The following AP1S3 variants were observed in gnomAD, a reference collection of about 807,000 sequenced individuals.
AP1S3 encodes the protein adaptor related protein complex 1 subunit sigma 3, also known as AP-1 complex subunit sigma-3.
AP1S3 carries 10 observed loss-of-function variants against 20.9 expected under a neutral mutation model. The observed-to-expected ratio is 0.48, with a 90% CI of 0.29 to 0.81. The LOEUF is 0.81. AP1S3 is among the 30% of genes least tolerant of loss of function. AP1S3 has a pLI of 0.08. For synonymous variants in AP1S3, 41 were observed against 61.5 expected (o/e 0.67, Z 1.56); for missense variants, 154 against 183.8 (o/e 0.84, Z 0.94).
chr2:223,829,615 A>C (rs926126637), intron 1 of AP1S3, among the ~76,000 whole-genome samples: 3 of 151,924 alleles, frequency 2.0e-5, no homozygotes, highest in African/African-American at 4.8e-5. Context: ...AGGTTGTGAT[A>C]AGCCAAGATC....
intron 4 of AP1S3, among the ~76,000 whole-genome samples, chr2:223,761,905 T>C (rs536534247): frequency 6.6e-6 from 1 of 152,122 alleles, no homozygotes; most frequent in Non-Finnish European, 1.5e-5. Context: ...GGGTAAAATA[T>C]CTACTGTTTG....
intron 1 of AP1S3, among the ~76,000 whole-genome samples, chr2:223,827,098 T>G (rs1692145558): frequency 6.6e-6 from 1 of 152,194 alleles, no homozygotes; most frequent in African/African-American, 2.4e-5. Context: ...GAGACCAATC[T>G]GCCTTATTGT....
chr2:223,787,018 A>T (rs1335300530), intron 1 of AP1S3, among the ~76,000 whole-genome samples: 1 of 152,216 alleles, frequency 6.6e-6, no homozygotes, highest in African/African-American at 2.4e-5. Context: ...TGACTGGATC[A>T]TCAGGGTCTG....
chr2:223,828,257 C>A (rs977496571), intron 1 of AP1S3, among the ~76,000 whole-genome samples: 4 of 151,022 alleles, frequency 2.6e-5, no homozygotes, highest in African/African-American at 9.7e-5. Context: ...TCACACAGGG[C>A]CCTGGGGTCA....
chr2:223,772,471 A>G (rs1690655659), intron 3 of AP1S3, among the ~76,000 whole-genome samples: 1 of 152,186 alleles, frequency 6.6e-6, no homozygotes. Context: ...GGCACCAGTA[A>G]AAATTCACAC....
At chr2:223,797,535 G>T (rs1310893038) in intron 1 of AP1S3, among the ~76,000 whole-genome samples, 2 of 152,090 alleles carry the variant, frequency 1.3e-5, no homozygotes, top group African/African-American at 2.4e-5. Context: ...GCTGAGGCAG[G>T]TGGGTCACCT....
chr2:223,832,469 G>A (rs1017863731), intron 1 of AP1S3, among the ~76,000 whole-genome samples: 5 of 152,144 alleles, frequency 3.3e-5, no homozygotes, highest in African/African-American at 9.7e-5. Context: ...GCCAGTGGAG[G>A]AGAGCCCTCT....
intron 1 of AP1S3, among the ~76,000 whole-genome samples, chr2:223,833,321 A>C (rs1225245280): frequency 6.6e-6 from 1 of 152,162 alleles, no homozygotes; most frequent in African/African-American, 2.4e-5. Context: ...ACCATTCAAC[A>C]GTACATTCTG....
intron 1 of AP1S3, among the ~76,000 whole-genome samples, chr2:223,824,571 T>C (rs1315308818): frequency 6.6e-6 from 1 of 152,088 alleles, no homozygotes; most frequent in African/African-American, 2.4e-5. Context: ...AGAATCTTGC[T>C]CTGTCGCCCA....
chr2:223,794,577 G>A (rs1363888470), intron 1 of AP1S3, among the ~76,000 whole-genome samples: 4 of 152,132 alleles, frequency 2.6e-5, no homozygotes, highest in Non-Finnish European at 4.4e-5. Flanking sequence ...CTGGTAAGAA[G>A]TATCTAATAG....
At position 223,756,826 on chromosome 2, in the gene AP1S3, C is replaced by T; in HGVS notation, c.*1889G>A. On this transcript the variant is annotated 3_prime_UTR_variant, in exon 5 of 5. Transcript: ENST00000396654. ...TCTAAAAATCTACCAGATGGGATCT[C>T]CTAAAGAATCCAACAGGAAACACAC... 1 of 985,244 alleles carries T rather than the reference C, an allele frequency of 1.0e-6. No individual in the cohort carries two copies. Among genetic ancestry groups the T allele is most frequent in the Non-Finnish European group, 1.2e-6 (1 of 829,924 alleles). The allele number at this position is 985,244 out of a possible 1,614,324, so 61.0% of individuals were successfully genotyped here. A position where few individuals can be genotyped will look rare whatever the true frequency, so the allele number is the denominator to read the frequency against.
chr2:223,801,496 T>C (rs1574712608), intron 1 of AP1S3, among the ~76,000 whole-genome samples: 1 of 152,178 alleles, frequency 6.6e-6, no homozygotes, highest in African/African-American at 2.4e-5. Context: ...CTCACTCTAT[T>C]GTCCAGGCTG....
chr2:223,824,782 G>A (rs6757133), intron 1 of AP1S3, among the ~76,000 whole-genome samples: 48,995 of 152,016 alleles, frequency 0.32, 8,318 homozygotes, highest in Middle Eastern at 0.43. Context: ...TGATCCACCC[G>A]TCACGGCCTC....
intron 1 of AP1S3, among the ~76,000 whole-genome samples, chr2:223,825,066 T>G (rs1174343778): frequency 6.6e-6 from 1 of 151,686 alleles, no homozygotes; most frequent in Non-Finnish European, 1.5e-5. Context: ...TCACAGCACT[T>G]TGGGAGGCTG....
Position 223,837,581 on chromosome 2 carries a change from A to C in AP1S3, c.-131T>G. The C allele has an allele frequency of 5.9e-6, 3 of 507,818 alleles. No homozygotes were observed. Among genetic ancestry groups the C allele is most frequent in the Non-Finnish European group, 3.0e-6 (1 of 328,852 alleles). The allele number at this position is 507,818 out of a possible 1,614,324, so 31.5% of individuals were successfully genotyped here. On this transcript the variant is annotated 5_prime_UTR_variant, in exon 1 of 5. Coordinates refer to ENST00000396654, the MANE Select transcript of AP1S3 (RefSeq NM_001039569.2). Reference sequence around the variant, plus strand: ...GCTTAGACCATGGCTGCTTCCCACAATGCCCTGGCACTGAAAGTGTGCAGA... The same window carrying C: ...GCTTAGACCATGGCTGCTTCCCACACTGCCCTGGCACTGAAAGTGTGCAGA...
chr2:223,802,446 G>T (rs662209), intron 1 of AP1S3, among the ~76,000 whole-genome samples: 10,463 of 151,912 alleles, frequency 0.069, 421 homozygotes, highest in East Asian at 0.13. Flanking sequence ...GGGATTATAG[G>T]CACCTGCCAG....
At chr2:223,804,715 T>C (rs1691539915) in intron 1 of AP1S3, among the ~76,000 whole-genome samples, 1 of 148,928 alleles carries the variant, frequency 6.7e-6, no homozygotes, top group Non-Finnish European at 1.5e-5. Flanking sequence ...CAGAGACTGT[T>C]TCAAAAAAAA....
Position 223,837,563 on chromosome 2 carries a change from C to T in AP1S3, c.-113G>A. 1 of 630,608 alleles carries T rather than the reference C, an allele frequency of 1.6e-6. No individual in the cohort carries two copies. The allele number at this position is 630,608 out of a possible 1,614,324, so 39.1% of individuals were successfully genotyped here. On this transcript the variant is annotated 5_prime_UTR_variant, in exon 1 of 5. Transcript: ENST00000396654. ...TGACAGGTGAGGCGCCCGGCTTAGA[C>T]CATGGCTGCTTCCCACAATGCCCTG...
chr2:223,758,485 G>C lies in AP1S3; in HGVS notation c.*230C>G. On this transcript the variant is annotated 3_prime_UTR_variant, in exon 5 of 5. Transcript: ENST00000396654. ...AGGTGGTAGTTACTTTAAACATTTA[G>C]AGCTACAAGTACCTATACAGTATAA... 8.3e-7 allele frequency: 1 copy of C among 1,197,964 alleles called. No homozygotes were observed. Among genetic ancestry groups the C allele is most frequent in the Non-Finnish European group, 1.0e-6 (1 of 966,728 alleles). The allele number at this position is 1,197,964 out of a possible 1,614,324, so 74.2% of individuals were successfully genotyped here. A position where few individuals can be genotyped will look rare whatever the true frequency, so the allele number is the denominator to read the frequency against.
Sources: allele counts gnomAD v4.1 joint callset (sites outside exome capture counted in the v4.1 genomes callset), GRCh38; gene constraint gnomAD v4.1.1; transcripts MANE v1.5; gene names NCBI Gene and HGNC (gene_info 2026-07-23, HGNC 2026-07-21).